Variants in PTPRG observed in about 807,000 individuals in gnomAD.
PTPRG encodes the protein protein tyrosine phosphatase receptor type G.
A neutral mutation model predicts 165.3 loss-of-function variants in PTPRG; 102 were observed. The observed-to-expected ratio is 0.62, with a 90% confidence interval of 0.53 to 0.73. The LOEUF is 0.73. Ranked by LOEUF, PTPRG falls within the 30% of genes least tolerant of loss-of-function variation. The pLI is 0.00. For missense variants in PTPRG, 1,866 were observed against 1,861.4 expected, an observed-to-expected ratio of 1.00 and a Z score of -0.05; for synonymous variants, 675 against 669.5, an observed-to-expected ratio of 1.01 and a Z score of -0.13.
intron 8 of PTPRG, among the ~76,000 whole-genome samples, chr3:62,178,136 AGGATGGATGGATGGAT>A (rs66547961): frequency 7.8e-4 from 111 of 141,638 alleles, no homozygotes; most frequent in African/African-American, 2.5e-3. Context: ...AATGGATGGG[AGGATGGATGGATGGAT>A]GGATGGATGG....
intron 2 of PTPRG, among the ~76,000 whole-genome samples, chr3:61,863,486 A>T (rs2037328098): frequency 6.6e-6 from 1 of 152,254 alleles, no homozygotes; most frequent in Non-Finnish European, 1.5e-5. Context: ...GTAGCTGCAG[A>T]TCCCAGTAGC....
At chr3:61,737,110 A>T (rs143640754) in intron 1 of PTPRG, among the ~76,000 whole-genome samples, 1 of 152,084 alleles carries the variant, frequency 6.6e-6, no homozygotes, top group African/African-American at 2.4e-5. Context: ...CCTGTCTTTG[A>T]ACCCTATCAT....
intron 2 of PTPRG, among the ~76,000 whole-genome samples, chr3:61,941,723 TC>T (rs370346948): frequency 9.8e-5 from 15 of 152,288 alleles, no homozygotes; most frequent in African/African-American, 3.6e-4. Context: ...CCCTCCAACT[TC>T]CCCTTTTTTT....
intron 1 of PTPRG, among the ~76,000 whole-genome samples, chr3:61,573,276 C>T (rs1335544599): frequency 1.3e-5 from 2 of 152,160 alleles, no homozygotes; most frequent in East Asian, 3.9e-4. Flanking sequence ...GGGGGAAAGC[C>T]AGTGACTATT....
chr3:61,634,479 C>G (rs1701851036), intron 1 of PTPRG, among the ~76,000 whole-genome samples: 1 of 151,808 alleles, frequency 6.6e-6, no homozygotes, highest in African/African-American at 2.4e-5. Flanking sequence ...ACCTCACGAT[C>G]TGCCACTTTG....
At chr3:61,665,400 T>C (rs2107043053) in intron 1 of PTPRG, among the ~76,000 whole-genome samples, 1 of 152,148 alleles carries the variant, frequency 6.6e-6, no homozygotes, top group East Asian at 1.9e-4. Flanking sequence ...CTCAGAGTTA[T>C]CTTGCAAGTC....
intron 2 of PTPRG, among the ~76,000 whole-genome samples, chr3:61,883,132 CCTTGGGGA>C (rs2107475442): frequency 6.6e-6 from 1 of 152,256 alleles, no homozygotes; most frequent in Admixed American, 6.5e-5. Context: ...GGGTGTCTGT[CCTTGGGGA>C]CTTTTTCCTT....
chr3:61,828,858 T>C (rs1478440653), intron 2 of PTPRG, among the ~76,000 whole-genome samples: 1 of 152,196 alleles, frequency 6.6e-6, no homozygotes, highest in Non-Finnish European at 1.5e-5. Flanking sequence ...TCTGTTTATT[T>C]GGGCCAATAA....
At chr3:62,137,571 T>C (rs1232436597) in intron 6 of PTPRG, among the ~76,000 whole-genome samples, 2 of 152,288 alleles carry the variant, frequency 1.3e-5, no homozygotes, top group East Asian at 3.9e-4. Flanking sequence ...ATGTCATCGA[T>C]TTCCTGAGCA....
At chr3:61,993,136 G>C (rs1032248736) in intron 3 of PTPRG, among the ~76,000 whole-genome samples, 6 of 151,744 alleles carry the variant, frequency 4.0e-5, no homozygotes, top group Non-Finnish European at 7.4e-5. Flanking sequence ...GAATAATATT[G>C]ATAGGTAACC....
In PTPRG at chr3:61,600,168, A is replaced by G. The variant is rs1418510455; in HGVS notation, c.85+37796A>G. 1.1e-3 allele frequency among the ~76,000 whole-genome samples: 126 copies of G among 111,806 alleles called. 1 individual carries two copies. The highest frequency in any genetic ancestry group is 4.7e-3 in the African/African-American group (123 of 26,084). 73.3% of individuals were successfully genotyped at this position (111,806 alleles called of 152,430 possible). On this transcript the variant is annotated intron_variant, in intron 1 of 29. Transcript: ENST00000474889. ...GAGTGAGACATTGTCTCAAAAAAAA[A>G]AAAAAATATATATATATATATATAT...
rs781655266 is a variant in PTPRG, at chr3:62,203,330, C to G, written c.1535C>G (p.Thr512Ser). 1.2e-6 allele frequency: 2 copies of G among 1,613,864 alleles called. No individual in the cohort carries two copies. Among genetic ancestry groups the G allele is most frequent in the Non-Finnish European group, 1.7e-6 (2 of 1,179,966 alleles). ...CAGGCCACAGTGGCCTCGGTGGTCA[C>G]CAGCACGCTGCTCGCCGGCCTGGGG... ...GSQATVASVV[T>S]STLLAGLGFG... Residue 512 changes from threonine (T) to serine (S), a missense_variant, in exon 12 of 30, where the codon ACC becomes AGC. Thr to Ser is a moderately conservative substitution (Grantham distance 58). This residue lies in a region of PTPRG where 1,452 missense variants were observed against 1,463.0 expected (regional missense o/e 0.99). Coordinates refer to ENST00000474889, the MANE Select transcript of PTPRG (RefSeq NM_002841.4). The surrounding 1 kb of genome is among the most constrained non-coding windows in gnomAD (Gnocchi z 6.4).
chr3:61,595,737 T>C (rs1700685815), intron 1 of PTPRG, among the ~76,000 whole-genome samples: 1 of 152,220 alleles, frequency 6.6e-6, no homozygotes, highest in African/African-American at 2.4e-5. Context: ...ATTGGTTTTA[T>C]AGGTTTAGGT....
At position 61,969,673 on chromosome 3, in the gene PTPRG, C is replaced by T. The variant is rs28550151; in HGVS notation, c.191-19952C>T. Among the ~76,000 whole-genome samples the T allele has an allele frequency of 7.8e-3, 1,183 of 152,174 alleles. 15 individuals are homozygous for T. The highest frequency in any genetic ancestry group is 0.027 in the African/African-American group (1,121 of 41,514). ...ACCTACAGACTCGGTCACCCTCAGT[C>T]CCTGCATCGTGCATGGACCCTGGTG... On this transcript the variant is annotated intron_variant, in intron 2 of 29. Coordinates refer to ENST00000474889, the MANE Select transcript of PTPRG (RefSeq NM_002841.4).
At chr3:61,827,466 C>G (rs1056383823) in intron 2 of PTPRG, among the ~76,000 whole-genome samples, 1 of 152,188 alleles carries the variant, frequency 6.6e-6, no homozygotes, top group Non-Finnish European at 1.5e-5. Flanking sequence ...CAGCCTCACT[C>G]ATGGATCCAA....
chr3:61,924,092 T>C (rs1186962480), intron 2 of PTPRG, among the ~76,000 whole-genome samples: 3 of 152,228 alleles, frequency 2.0e-5, no homozygotes, highest in Non-Finnish European at 1.5e-5. Context: ...TTTCCTTTTT[T>C]TCTGCTATTC....
chr3:62,291,081 A>T (rs1360858828), intron 28 of PTPRG, among the ~76,000 whole-genome samples: 3 of 152,154 alleles, frequency 2.0e-5, no homozygotes, highest in African/African-American at 7.2e-5. Context: ...TAATTAGGCG[A>T]TTTCAGAAGA....
chr3:62,280,966 T>C (rs2148887348), intron 26 of PTPRG, among the ~76,000 whole-genome samples: 1 of 152,172 alleles, frequency 6.6e-6, no homozygotes, highest in East Asian at 1.9e-4. Context: ...AAAATTGCAC[T>C]GTATTTGGGA....
At chr3:62,125,613 A>G (rs1174272382) in intron 5 of PTPRG, among the ~76,000 whole-genome samples, 1 of 152,096 alleles carries the variant, frequency 6.6e-6, no homozygotes, top group Admixed American at 6.5e-5. Context: ...AATCAGGAGA[A>G]ACTTGTAGGC....
Sources: gnomAD v4.1 joint callset for allele counts (sites outside exome capture counted in the v4.1 genomes callset) on GRCh38, gnomAD v4.1.1 for gene constraint, gnomAD v4.1.1 regional missense constraint, Gnocchi (gnomAD v3.1) non-coding constraint, MANE v1.5 for transcripts, NCBI Gene and HGNC (gene_info 2026-07-23, HGNC 2026-07-21) for gene names.